Variants in ACAA2 observed in about 807,000 individuals in gnomAD.
The protein encoded by ACAA2 is acetyl-CoA acyltransferase 2.
A neutral mutation model predicts 44.8 loss-of-function variants in ACAA2; 35 were observed. The ratio of observed to expected loss-of-function variants is 0.78; its 90% CI spans 0.60 to 1.04. The LOEUF (loss-of-function observed/expected upper bound fraction) is 1.04, where lower values mean the gene tolerates loss of function less well. Among genes scored for constraint, ACAA2 ranks in the 50% least tolerant of loss-of-function variants. ACAA2 has a pLI of 0.00. For synonymous variants in ACAA2, 142 were observed against 166.5 expected, an observed-to-expected ratio of 0.85 and a Z score of 1.13; for missense variants, 468 against 482.6, an observed-to-expected ratio of 0.97 and a Z score of 0.28.
At chr18:49,789,803 G>C (rs1435601153) in intron 7 of ACAA2, among the ~76,000 whole-genome samples, 2 of 152,088 alleles carry the variant, frequency 1.3e-5, no homozygotes, top group Non-Finnish European at 2.9e-5. Context: ...GGCCAACGTG[G>C]AAAAACCCTG....
chr18:49,800,853 A>C (rs2023538902), intron 2 of ACAA2, among the ~76,000 whole-genome samples: 1 of 123,100 alleles, frequency 8.1e-6, no homozygotes, highest in Admixed American at 8.3e-5. Context: ...CCTGTGGGCC[A>C]AATCCCCCTC....
intron 3 of ACAA2, 38 bp from the exon 4 acceptor site, chr18:49,795,919 C>T (rs553877105): frequency 1.1e-5 from 14 of 1,275,338 alleles, no homozygotes; most frequent in South Asian, 8.7e-5. Context: ...CTCCTTTTAC[C>T]GTACCCAAAC....
chr18:49,783,074 A>G lies in ACAA2; in HGVS notation c.*773T>C, dbSNP rs531348140. 1 of 152,356 alleles carries G rather than the reference A, an allele frequency of 6.6e-6. No individual in the cohort carries two copies. The highest frequency in any genetic ancestry group is 2.1e-4 in the South Asian group (1 of 4,832). The allele number at this position is 152,356 out of a possible 1,614,324, so 9.4% of individuals were successfully genotyped here. On this transcript the variant is annotated 3_prime_UTR_variant, in exon 10 of 10. Coordinates refer to ENST00000285093, the MANE Select transcript of ACAA2 (RefSeq NM_006111.3). ...ATGGCCTTTAAGCTGGGAAGAAGGAAGTAAGGTTTATACACACAGCAGAAT... is the reference window on the plus strand; with the variant it reads ...ATGGCCTTTAAGCTGGGAAGAAGGAGGTAAGGTTTATACACACAGCAGAAT...
At chr18:49,799,350 G>A (rs141458320) in intron 2 of ACAA2, among the ~76,000 whole-genome samples, 4,663 of 150,298 alleles carry the variant, frequency 0.031, 247 homozygotes, top group African/African-American at 0.1. Context: ...GAGTGCCTGC[G>A]ATTGCAGGCA....
At chr18:49,799,699 C>T (rs2023511272) in intron 2 of ACAA2, among the ~76,000 whole-genome samples, 1 of 151,592 alleles carries the variant, frequency 6.6e-6, no homozygotes, top group African/African-American at 2.4e-5. Context: ...TGGGGAGCCC[C>T]TCTGCCTGGC....
chr18:49,799,916 G>A (rs1444006281), intron 2 of ACAA2, among the ~76,000 whole-genome samples: 1 of 141,620 alleles, frequency 7.1e-6, no homozygotes, highest in Non-Finnish European at 1.5e-5. Flanking sequence ...TGCCCCATCT[G>A]AGAAGTGAGG....
Position 49,783,760 on chromosome 18 carries a change from T to C in ACAA2, c.*87A>G, listed in dbSNP as rs1598787803. 1 of 1,088,460 alleles carries C rather than the reference T, an allele frequency of 9.2e-7. No individual in the cohort carries two copies. The highest frequency in any genetic ancestry group is 1.4e-6 in the Non-Finnish European group (1 of 721,330). The allele number at this position is 1,088,460 out of a possible 1,614,324, so 67.4% of individuals were successfully genotyped here. A position where few individuals can be genotyped will look rare whatever the true frequency, so the allele number is the denominator to read the frequency against. ...TGTTTCAATGGCAGGGCATGGCCAGTTGTGGCAGCTGCTCTGAAGGTCACT... is the reference window on the plus strand; with the variant it reads ...TGTTTCAATGGCAGGGCATGGCCAGCTGTGGCAGCTGCTCTGAAGGTCACT... On this transcript the variant is annotated 3_prime_UTR_variant, in exon 10 of 10. Coordinates refer to ENST00000285093, the MANE Select transcript of ACAA2 (RefSeq NM_006111.3).
At position 49,787,260 on chromosome 18, in the gene ACAA2, T is replaced by TAAAAAAAAAA. The variant is rs35932656; in HGVS notation, c.954+21_954+30dup. On this transcript the variant is annotated intron_variant, in intron 8 of 9. Coordinates refer to ENST00000285093, the MANE Select transcript of ACAA2 (RefSeq NM_006111.3). ...AAAGTACATGGTTTATTCATGTTGT[T>TAAAAAAAAAA]AAAAAAAAAAAAAAAAAAAAAAACA... 236 of 1,027,890 alleles carry TAAAAAAAAAA rather than the reference T, an allele frequency of 2.3e-4. 1 individual carries two copies. In the African/African-American group the frequency reaches 3.4e-3, roughly 15 times the overall value. The allele number at this position is 1,027,890 out of a possible 1,614,324, so 63.7% of individuals were successfully genotyped here.
At chr18:49,791,331 A>T (rs2143953673) in intron 7 of ACAA2, 139 bp downstream of exon 7, 1 of 742,118 alleles carries the variant, frequency 1.3e-6, no homozygotes, top group Non-Finnish European at 2.1e-6. Flanking sequence ...CTTCATAAAG[A>T]TTTTTTATTT....
chr18:49,805,380 C>A (rs767422745), intron 1 of ACAA2, among the ~76,000 whole-genome samples: 1 of 152,112 alleles, frequency 6.6e-6, no homozygotes, highest in African/African-American at 2.4e-5. Flanking sequence ...TAATTTAGAA[C>A]AGATCCACTC....
chr18:49,802,648 G>T (rs2023567497), intron 2 of ACAA2, 39 bp downstream of exon 2: 1 of 1,541,296 alleles, frequency 6.5e-7, no homozygotes, highest in South Asian at 1.2e-5. Context: ...ACTGATCAAA[G>T]AAGCAATAGG....
intron 5 of ACAA2, 115 bp from the exon 6 acceptor site, chr18:49,792,442 A>ATTGAGTCT: frequency 1.0e-6 from 1 of 970,924 alleles, no homozygotes; most frequent in Non-Finnish European, 1.5e-6. Context: ...CTACTTTAAT[A>ATTGAGTCT]TTGAGTCTTT....
intron 1 of ACAA2, among the ~76,000 whole-genome samples, chr18:49,804,465 T>C (rs1360862675): frequency 6.6e-6 from 1 of 152,192 alleles, no homozygotes; most frequent in East Asian, 1.9e-4. Flanking sequence ...CCACCTCCAG[T>C]ATCTGAAGTC....
intron 1 of ACAA2, among the ~76,000 whole-genome samples, 188 bp downstream of exon 1, chr18:49,813,281 T>G (rs2023692679): frequency 6.6e-6 from 1 of 152,228 alleles, no homozygotes. Context: ...GCCTTACAAG[T>G]AAGGGTTTTC....
At chr18:49,789,099 C>G (rs2023367882) in intron 7 of ACAA2, among the ~76,000 whole-genome samples, 1 of 152,224 alleles carries the variant, frequency 6.6e-6, no homozygotes, top group African/African-American at 2.4e-5. Flanking sequence ...ATTGCCACCC[C>G]TGAGGAGTTC....
chr18:49,792,595 C>A (rs1170490290), intron 5 of ACAA2, among the ~76,000 whole-genome samples: 1 of 152,128 alleles, frequency 6.6e-6, no homozygotes, highest in African/African-American at 2.4e-5. Context: ...TAGGTGCCCA[C>A]CACCATGCCC....
intron 1 of ACAA2, among the ~76,000 whole-genome samples, chr18:49,808,132 A>AT (rs1184127720): frequency 6.6e-6 from 1 of 152,242 alleles, no homozygotes; most frequent in East Asian, 1.9e-4. Flanking sequence ...AAATTAAAAC[A>AT]ATGAGATACT....
chr18:49,787,873 C>CA (rs2023352464), intron 7 of ACAA2, among the ~76,000 whole-genome samples: 1 of 152,158 alleles, frequency 6.6e-6, no homozygotes, highest in South Asian at 2.1e-4. Flanking sequence ...AAGCCATATG[C>CA]ATTCACAGCA....
intron 9 of ACAA2, among the ~76,000 whole-genome samples, chr18:49,784,563 A>AT (rs1162360662): frequency 6.6e-6 from 1 of 152,230 alleles, no homozygotes; most frequent in Non-Finnish European, 1.5e-5. Flanking sequence ...ATTAAGTGAA[A>AT]TAAGAGTCAC....
Sources: allele counts gnomAD v4.1 joint callset (sites outside exome capture counted in the v4.1 genomes callset), GRCh38; gene constraint gnomAD v4.1.1; transcripts MANE v1.5; gene names NCBI Gene and HGNC (gene_info 2026-07-23, HGNC 2026-07-21).